The following DOCK8 variants were observed in gnomAD, a reference collection of about 807,000 sequenced individuals.
The protein encoded by DOCK8 is dedicator of cytokinesis protein 8.
DOCK8 carries 141 observed loss-of-function variants against 245.6 expected under a neutral mutation model. The observed-to-expected ratio is 0.57, with a 90% CI of 0.50 to 0.66. DOCK8 has a LOEUF of 0.66. Among genes scored for constraint, DOCK8 ranks in the 30% least tolerant of loss-of-function variants. The pLI, the probability that DOCK8 is intolerant of heterozygous loss-of-function variation, is 0.00. For synonymous variants in DOCK8, 1,168 were observed against 970.2 expected (o/e 1.20, Z -3.79); for missense variants, 2,965 against 2,603.4 (o/e 1.14, Z -3.02).
intron 1 of DOCK8, among the ~76,000 whole-genome samples, chr9:237,223 G>A (rs997874607): frequency 6.6e-6 from 1 of 152,254 alleles, no homozygotes; most frequent in Non-Finnish European, 1.5e-5. Flanking sequence ...GGATGTGGGA[G>A]CTGCAAGGAA....
chr9:435,839 C>G (rs1737886534), intron 39 of DOCK8, among the ~76,000 whole-genome samples: 1 of 152,084 alleles, frequency 6.6e-6, no homozygotes, highest in Non-Finnish European at 1.5e-5. Context: ...ATGTTGGGTA[C>G]TTTTTTTGTA....
intron 29 of DOCK8, among the ~76,000 whole-genome samples, chr9:415,721 C>A (rs2055972707): frequency 6.6e-6 from 1 of 151,746 alleles, no homozygotes; most frequent in Non-Finnish European, 1.5e-5. Flanking sequence ...ATTCCTATCC[C>A]ATCAGAGTAG....
rs376111035 is a variant in DOCK8, at chr9:418,051, C to T, written c.3701-17C>T. On this transcript the variant is annotated splice_polypyrimidine_tract_variant and intron_variant, in intron 29 of 47. Transcript: ENST00000432829. ...GTCATGTTTGACTTGACATCACAAA[C>T]GATGTTTTCATTGCAGTTGCAGATA... 1,203 of 1,614,136 alleles carry T rather than the reference C, an allele frequency of 7.5e-4. 7 individuals carry two copies. In the African/African-American group the frequency reaches 0.012, roughly 17 times the overall value.
chr9:420,031 T>C, intron 30 of DOCK8: 1 of 330,326 alleles, frequency 3.0e-6, no homozygotes. Flanking sequence ...GGAGAAATAC[T>C]TGGAGATCTT....
chr9:376,943 A>T, intron 19 of DOCK8, 34 bp from the exon 20 acceptor site: 1 of 1,586,666 alleles, frequency 6.3e-7, no homozygotes, highest in Non-Finnish European at 8.6e-7. Flanking sequence ...TTGATGGTAT[A>T]AAACCCCATG....
intron 7 of DOCK8, among the ~76,000 whole-genome samples, chr9:322,638 A>C (rs561763274): frequency 6.6e-6 from 1 of 152,358 alleles, no homozygotes; most frequent in Admixed American, 6.5e-5. Context: ...TCTTTAATAA[A>C]TGTCAATTCT....
At chr9:382,395 T>G in intron 21 of DOCK8, 118 bp from the exon 22 acceptor site, 1 of 1,427,502 alleles carries the variant, frequency 7.0e-7, no homozygotes, top group Non-Finnish European at 9.8e-7. Flanking sequence ...AAGTCTCTAA[T>G]TCCAAGGCCT....
At chr9:274,820 A>G (rs2048280652) in intron 2 of DOCK8, among the ~76,000 whole-genome samples, 2 of 152,192 alleles carry the variant, frequency 1.3e-5, no homozygotes, top group East Asian at 3.8e-4. Flanking sequence ...TCGTTGCATT[A>G]TTTTGGCTAA....
At chr9:241,307 A>G (rs762921993) in intron 1 of DOCK8, among the ~76,000 whole-genome samples, 6 of 152,204 alleles carry the variant, frequency 3.9e-5, no homozygotes, top group Non-Finnish European at 5.9e-5. Context: ...CCACAGTAGT[A>G]TAGAGCACTA....
At chr9:396,987 A>G (rs1270430692) in intron 25 of DOCK8, 53 bp downstream of exon 25, 5 of 1,546,472 alleles carry the variant, frequency 3.2e-6, no homozygotes, top group Non-Finnish European at 4.5e-6. Context: ...AACATATATT[A>G]CTTTCATAAT....
chr9:237,127 C>G (rs1018473963), intron 1 of DOCK8, among the ~76,000 whole-genome samples: 6 of 152,200 alleles, frequency 3.9e-5, no homozygotes, highest in African/African-American at 1.2e-4. Flanking sequence ...AAGCCATTAC[C>G]AAAATGTTCC....
chr9:418,414 CCACCA>C (rs2056129654), intron 30 of DOCK8, among the ~76,000 whole-genome samples: 1 of 152,154 alleles, frequency 6.6e-6, no homozygotes, highest in Admixed American at 6.5e-5. Context: ...CAGGCGTGCA[CCACCA>C]CACCTGGCTA....
At chr9:251,042 G>A (rs2047632949) in intron 1 of DOCK8, among the ~76,000 whole-genome samples, 1 of 152,194 alleles carries the variant, frequency 6.6e-6, no homozygotes, top group East Asian at 1.9e-4. Flanking sequence ...GCAAAGAGGA[G>A]TCTAGGGACA....
At chr9:256,280 T>C (rs961586607) in intron 1 of DOCK8, among the ~76,000 whole-genome samples, 1 of 152,174 alleles carries the variant, frequency 6.6e-6, no homozygotes, top group African/African-American at 2.4e-5. Context: ...GCCTTACTTC[T>C]GGAAAAGGCT....
At chr9:451,361 G>A (rs1056525486) in intron 45 of DOCK8, among the ~76,000 whole-genome samples, 4 of 151,828 alleles carry the variant, frequency 2.6e-5, no homozygotes, top group African/African-American at 4.8e-5. Context: ...TGGTGCGCAC[G>A]CCTGTAATCC....
intron 28 of DOCK8, among the ~76,000 whole-genome samples, chr9:412,424 A>G (rs972188324): frequency 6.6e-6 from 1 of 151,296 alleles, no homozygotes; most frequent in Non-Finnish European, 1.5e-5. Flanking sequence ...AAAAAAAAGA[A>G]AAAGAAGAAA....
intron 27 of DOCK8, among the ~76,000 whole-genome samples, 180 bp downstream of exon 27, chr9:405,253 A>G (rs1339597815): frequency 6.6e-6 from 1 of 152,224 alleles, no homozygotes; most frequent in African/African-American, 2.4e-5. Context: ...TAACAATCTA[A>G]GTAATTGGTT....
At chr9:278,576 C>T (rs546891497) in intron 2 of DOCK8, among the ~76,000 whole-genome samples, 7 of 152,152 alleles carry the variant, frequency 4.6e-5, no homozygotes, top group African/African-American at 7.2e-5. Flanking sequence ...AGAATGAAAT[C>T]GTGACCCAGA....
chr9:319,044 C>G (rs924582358), intron 7 of DOCK8, among the ~76,000 whole-genome samples: 1 of 152,154 alleles, frequency 6.6e-6, no homozygotes, highest in Non-Finnish European at 1.5e-5. Flanking sequence ...CACCTGTAAT[C>G]CCAACACTTT....
Sources: gnomAD v4.1 joint callset for allele counts (sites outside exome capture counted in the v4.1 genomes callset) on GRCh38, gnomAD v4.1.1 for gene constraint, MANE v1.5 for transcripts, NCBI Gene and HGNC (gene_info 2026-07-23, HGNC 2026-07-21) for gene names.